Variants in CALN1 observed in about 807,000 individuals in gnomAD.
The protein encoded by CALN1 is calcium-binding protein 8.
A neutral mutation model predicts 30.6 loss-of-function variants in CALN1; 17 were observed. That is an observed-to-expected ratio of 0.56 (90% confidence interval 0.38 to 0.83). The LOEUF (loss-of-function observed/expected upper bound fraction) is 0.83. CALN1 is among the 40% of genes least tolerant of loss of function. The pLI is 0.00. For synonymous variants in CALN1, 156 were observed against 131.4 expected (o/e 1.19, Z -1.28); for missense variants, 291 against 354.9 (o/e 0.82, Z 1.45).
At chr7:71,810,266 T>G in intron 6 of CALN1, 70 bp downstream of exon 6, 1 of 1,516,412 alleles carries the variant, frequency 6.6e-7, no homozygotes, top group Non-Finnish European at 8.9e-7. Flanking sequence ...GTGAACGCAT[T>G]TTTCATATAG....
At position 71,925,891 on chromosome 7, in the gene CALN1, C is replaced by CG. The variant is rs547374689; in HGVS notation, c.501+97765dup. Among the ~76,000 whole-genome samples, 523 of 151,866 alleles carry CG rather than the reference C, an allele frequency of 3.4e-3. 2 individuals are homozygous for CG. Among genetic ancestry groups the CG allele is most frequent in the African/African-American group, 0.012 (486 of 41,454 alleles). ...TTGTTTGAAACGGAGTCTCTCTCTG[C>CG]GGCCCAGGCTGGAGTGCAGTGGCGC... is the stretch of plus-strand genomic sequence containing the variant. On this transcript the variant is annotated intron_variant, in intron 5 of 6. Transcript: ENST00000395275.
At chr7:72,479,232 T>C in the CALN1 span, among the ~76,000 whole-genome samples, 1 of 152,194 alleles carries the variant, frequency 6.6e-6, no homozygotes, top group Non-Finnish European at 1.5e-5. Context: ...TCTGTTTTAA[T>C]GGGTTGTTTG....
intron 6 of CALN1, among the ~76,000 whole-genome samples, chr7:71,803,183 G>C (rs1277313080): frequency 6.6e-6 from 1 of 152,088 alleles, no homozygotes; most frequent in Non-Finnish European, 1.5e-5. Flanking sequence ...ACTATGTAAT[G>C]CCAGAGAGTT....
chr7:72,478,974 C>T, the CALN1 span, among the ~76,000 whole-genome samples: 13 of 150,648 alleles, frequency 8.6e-5, no homozygotes, highest in African/African-American at 3.0e-4. Context: ...CTCCACCTCC[C>T]GGGTTCAAGT....
chr7:71,950,374 A>T (rs1796628590), intron 5 of CALN1, among the ~76,000 whole-genome samples: 1 of 152,226 alleles, frequency 6.6e-6, no homozygotes, highest in African/African-American at 2.4e-5. Context: ...AATAGGATCT[A>T]GGTCTCCGAC....
intron 5 of CALN1, among the ~76,000 whole-genome samples, chr7:71,851,433 T>G (rs1790640912): frequency 6.6e-6 from 1 of 151,696 alleles, no homozygotes; most frequent in South Asian, 2.1e-4. Flanking sequence ...GCACCAGAAT[T>G]GCTTGAATCT....
At chr7:71,915,493 G>A (rs909857632) in intron 5 of CALN1, among the ~76,000 whole-genome samples, 2 of 152,078 alleles carry the variant, frequency 1.3e-5, no homozygotes, top group East Asian at 3.9e-4. Flanking sequence ...CAGCACTTTG[G>A]GAGGCTGAGG....
chr7:71,936,428 G>A lies in CALN1; in HGVS notation c.501+87229C>T, dbSNP rs148494612. On this transcript the variant is annotated intron_variant, in intron 5 of 6. Transcript: ENST00000395275. ...AAAAAAAAAAAAAAAAAAGATGAGC[G>A]TAGAGCCTTGCTTCACTCCTCTGGC... 5.9e-3 allele frequency among the ~76,000 whole-genome samples: 892 copies of A among 150,098 alleles called. 9 individuals are homozygous for A. Among genetic ancestry groups the A allele is most frequent in the African/African-American group, 0.02 (820 of 41,016 alleles).
chr7:71,926,867 G>A (rs1221760231), intron 5 of CALN1, among the ~76,000 whole-genome samples: 1 of 151,736 alleles, frequency 6.6e-6, no homozygotes, highest in Non-Finnish European at 1.5e-5. Context: ...TATAACTTCT[G>A]TTGAAATTCT....
chr7:72,247,335 G>A (rs752711173), intron 3 of CALN1, among the ~76,000 whole-genome samples: 1 of 131,186 alleles, frequency 7.6e-6, no homozygotes, highest in Non-Finnish European at 1.5e-5. Context: ...TGCAAGTTCC[G>A]CCTCCCGGTT....
rs571248177 is a variant in CALN1, at chr7:72,234,017, A to G, written c.244+44669T>C. On this transcript the variant is annotated intron_variant, in intron 3 of 6. Coordinates refer to ENST00000395275, the MANE Select transcript of CALN1 (RefSeq NM_031468.4). Reference sequence around the variant, plus strand: ...AGATGTTGTCTCAAAATAAATAAATAAACAAACAAACAAACAAACTAAATT... The same window carrying G: ...AGATGTTGTCTCAAAATAAATAAATGAACAAACAAACAAACAAACTAAATT... Among the ~76,000 whole-genome samples the G allele has an allele frequency of 7.6e-5, 11 of 145,672 alleles. 1 individual carries two copies. In the South Asian group the frequency reaches 2.1e-3, roughly 28 times the overall value.
chr7:72,434,245 G>A (rs957320755), intron 1 of CALN1, among the ~76,000 whole-genome samples: 1 of 151,242 alleles, frequency 6.6e-6, no homozygotes, highest in African/African-American at 2.4e-5. Flanking sequence ...GCTCATGCCT[G>A]TAATCCCAGC....
intron 3 of CALN1, among the ~76,000 whole-genome samples, chr7:72,267,117 T>C (rs1171336401): frequency 6.6e-6 from 1 of 152,206 alleles, no homozygotes; most frequent in East Asian, 1.9e-4. Context: ...GTAACAGGAA[T>C]GTTTCTGCCT....
At chr7:72,298,508 G>A (rs900369834) in intron 2 of CALN1, among the ~76,000 whole-genome samples, 5 of 152,188 alleles carry the variant, frequency 3.3e-5, no homozygotes, top group Non-Finnish European at 7.3e-5. Flanking sequence ...GGAAATGTCA[G>A]CTTGGTCACT....
chr7:72,409,047 C>T (rs1478676651), intron 1 of CALN1, among the ~76,000 whole-genome samples: 1 of 151,866 alleles, frequency 6.6e-6, no homozygotes, highest in African/African-American at 2.4e-5. Context: ...CCACACTAGA[C>T]TGCAGTGGCA....
rs1305576740 is a variant in CALN1, at chr7:72,271,564, T to TAA, written c.244+7120_244+7121dup. 2.7e-3 allele frequency among the ~76,000 whole-genome samples: 177 copies of TAA among 64,532 alleles called. 13 individuals carry two copies. Among genetic ancestry groups the TAA allele is most frequent in the African/African-American group, 0.011 (97 of 9,096 alleles). The allele number at this position is 64,532 out of a possible 152,430, so 42.3% of individuals were successfully genotyped here. On this transcript the variant is annotated intron_variant, in intron 3 of 6. Transcript: ENST00000395275. ...AGCATGAACCACTGTGCCTGCCTTT[T>TAA]AAAAAAAAAAAATATATATATATAT...
intron 1 of CALN1, among the ~76,000 whole-genome samples, chr7:72,445,099 C>CAACATTAAGTTGAAAAGAA (rs1562971454): frequency 7.4e-6 from 1 of 134,590 alleles, no homozygotes; most frequent in African/African-American, 2.7e-5. Flanking sequence ...CACACACACA[C>CAACATTAAGTTGAAAAGAA]ACACACAACA....
At chr7:72,015,474 T>C (rs1800326127) in intron 5 of CALN1, among the ~76,000 whole-genome samples, 1 of 151,846 alleles carries the variant, frequency 6.6e-6, no homozygotes, top group East Asian at 1.9e-4. Context: ...GCTCTCACTC[T>C]TGTCGCCCAG....
intron 5 of CALN1, among the ~76,000 whole-genome samples, chr7:71,977,932 T>TAAAAA (rs59155068): frequency 8.4e-6 from 1 of 118,736 alleles, no homozygotes; most frequent in Non-Finnish European, 1.8e-5. Flanking sequence ...ACTCTGTCTT[T>TAAAAA]AAAAAAAAAA....
Sources: allele counts gnomAD v4.1 joint callset (sites outside exome capture counted in the v4.1 genomes callset), GRCh38; gene constraint gnomAD v4.1.1; transcripts MANE v1.5; gene names NCBI Gene and HGNC (gene_info 2026-07-23, HGNC 2026-07-21).